KIRREL3: variants seen among roughly 807,000 people sequenced by gnomAD.
The protein encoded by KIRREL3 is kin of IRRE-like protein 3.
KIRREL3 carries 36 observed loss-of-function variants against 89.7 expected under a neutral mutation model. That is an observed-to-expected ratio of 0.40 (90% confidence interval 0.31 to 0.53). The LOEUF is 0.53. Among genes scored for constraint, KIRREL3 ranks in the 20% least tolerant of loss-of-function variants. The pLI is 0.49. For missense variants in KIRREL3, 864 were observed against 1,056.6 expected (o/e 0.82, Z 2.53); for synonymous variants, 445 against 441.4 (o/e 1.01, Z -0.10).
intron 6 of KIRREL3, among the ~76,000 whole-genome samples, chr11:126,460,657 C>A (rs1203415593): frequency 6.6e-6 from 1 of 152,224 alleles, no homozygotes; most frequent in Non-Finnish European, 1.5e-5. Context: ...AGAGGCCTGG[C>A]AAGACCCAGT....
At chr11:126,473,284 C>A in intron 5 of KIRREL3, 25 bp downstream of exon 5, 1 of 1,197,762 alleles carries the variant, frequency 8.3e-7, no homozygotes, top group Non-Finnish European at 1.1e-6. Context: ...CCGTCCACAC[C>A]CACCCCCTCC....
Position 126,428,732 on chromosome 11 carries a change from C to T in KIRREL3, c.1806+447G>A, listed in dbSNP as rs1002504425. Among the ~76,000 whole-genome samples, 1 of 152,068 alleles carries T rather than the reference C, an allele frequency of 6.6e-6. No individual in the cohort carries two copies. The highest frequency in any genetic ancestry group is 1.5e-5 in the Non-Finnish European group (1 of 67,998). On this transcript the variant is annotated intron_variant, in intron 15 of 16. Coordinates refer to ENST00000525144, the MANE Select transcript of KIRREL3 (RefSeq NM_032531.4). The surrounding 1 kb of genome is among the most constrained non-coding windows in gnomAD (Gnocchi z 6.4). ...CCTGATCTCAGCTCACTGCAACCTC[C>T]ACCTCCTGGGTTCAAGCAATTCTCC...
In KIRREL3 at chr11:126,776,938, G is replaced by T. The variant is rs896007515; in HGVS notation, c.56-214026C>A. On this transcript the variant is annotated intron_variant, in intron 1 of 16. Transcript: ENST00000525144. The surrounding 1 kb of genome is among the most constrained non-coding windows in gnomAD (Gnocchi z 4.7). ...CCAAAAGTCTTGAAAGTTTGGATTTGCAATCACAGATGCCCCATGTGGCTT... is the reference window on the plus strand; with the variant it reads ...CCAAAAGTCTTGAAAGTTTGGATTTTCAATCACAGATGCCCCATGTGGCTT... Among the ~76,000 whole-genome samples the T allele has an allele frequency of 2.0e-5, 3 of 152,188 alleles. No individual in the cohort carries two copies. The highest frequency in any genetic ancestry group is 4.4e-5 in the Non-Finnish European group (3 of 68,036).
rs1185978814 is a variant in KIRREL3 at position 126,740,400 on chromosome 11, A to G, written c.56-177488T>C. On this transcript the variant is annotated intron_variant, in intron 1 of 16. Transcript: ENST00000525144. This position sits in a 1 kb window ranked among gnomAD's most constrained non-coding sequence, Gnocchi z 6.0. ...TTCATTCTGTGTTTGGTGCTGCAGT[A>G]GTGGTCTGGAATTGTCTGCAGAAAA... 1.6e-3 allele frequency among the ~76,000 whole-genome samples: 4 copies of G among 2,496 alleles called. No individual in the cohort carries two copies. The highest frequency in any genetic ancestry group is 7.8e-3 in the African/African-American group (4 of 514). The allele number at this position is 2,496 out of a possible 152,430, so 1.6% of individuals were successfully genotyped here.
chr11:126,604,974 A>G (rs1942827433), intron 1 of KIRREL3, among the ~76,000 whole-genome samples: 1 of 152,230 alleles, frequency 6.6e-6, no homozygotes, highest in African/African-American at 2.4e-5. Flanking sequence ...GAAACGGCAT[A>G]TGTAAAAGTG....
rs146411843 is a variant in KIRREL3, at chr11:126,759,589, G to A, written c.56-196677C>T. On this transcript the variant is annotated intron_variant, in intron 1 of 16. Coordinates refer to ENST00000525144, the MANE Select transcript of KIRREL3 (RefSeq NM_032531.4). ...AGATCATTAGACAACACGTAGCATC[G>A]TGCTGGCCAGGAAGATGGCCTGCTT... Among the ~76,000 whole-genome samples the A allele has an allele frequency of 5.4e-3, 826 of 152,270 alleles. 3 individuals carry two copies. Among genetic ancestry groups the A allele is most frequent in the Non-Finnish European group, 8.8e-3 (597 of 68,024 alleles).
intron 1 of KIRREL3, among the ~76,000 whole-genome samples, chr11:126,865,685 G>C (rs551037297): frequency 2.0e-5 from 3 of 152,208 alleles, no homozygotes; most frequent in Non-Finnish European, 4.4e-5. Context: ...CTGAGGGATC[G>C]ACGAAGTCTC....
chr11:126,681,015 C>T (rs569831900), intron 1 of KIRREL3, among the ~76,000 whole-genome samples: 12 of 152,204 alleles, frequency 7.9e-5, no homozygotes, highest in East Asian at 1.9e-4. Context: ...TAAATGAAAC[C>T]GGCTAAGGCA....
rs1949376786 is a variant in KIRREL3, at chr11:126,752,781, T to C, written c.56-189869A>G. On this transcript the variant is annotated intron_variant, in intron 1 of 16. Coordinates refer to ENST00000525144, the MANE Select transcript of KIRREL3 (RefSeq NM_032531.4). This position sits in a 1 kb window ranked among gnomAD's most constrained non-coding sequence, Gnocchi z 4.8. ...GAAGAGCATGGAAAAAAACAATTGG[T>C]TTTGCATGTTTCCTTGGGAATTTCA... 6.6e-6 allele frequency among the ~76,000 whole-genome samples: 1 copy of C among 152,072 alleles called. No homozygotes were observed. Among genetic ancestry groups the C allele is most frequent in the Non-Finnish European group, 1.5e-5 (1 of 68,026 alleles).
chr11:126,709,274 T>C lies in KIRREL3; in HGVS notation c.56-146362A>G, dbSNP rs997716119. ...CCCAAAATATGGCTGCCTTGACTAG[T>C]TGGCTTTATCATCTCCTCTATCCCA... is the stretch of plus-strand genomic sequence containing the variant. On this transcript the variant is annotated intron_variant, in intron 1 of 16. Transcript: ENST00000525144. This position sits in a 1 kb window ranked among gnomAD's most constrained non-coding sequence, Gnocchi z 4.0. Among the ~76,000 whole-genome samples, 14 of 152,192 alleles carry C rather than the reference T, an allele frequency of 9.2e-5. No homozygotes were observed. The highest frequency in any genetic ancestry group is 3.1e-4 in the African/African-American group (13 of 41,452).
chr11:126,850,437 G>A (rs549223752), intron 1 of KIRREL3, among the ~76,000 whole-genome samples: 44 of 152,252 alleles, frequency 2.9e-4, no homozygotes, highest in Non-Finnish European at 5.1e-4. Context: ...GGCAGCTCTA[G>A]GCCTTGAGTT....
At chr11:126,479,223 G>A (rs1335038428) in intron 4 of KIRREL3, among the ~76,000 whole-genome samples, 1 of 152,106 alleles carries the variant, frequency 6.6e-6, no homozygotes, top group Non-Finnish European at 1.5e-5. Context: ...AAGCCTCGGG[G>A]TGCATCTCCC....
upstream of KIRREL3, chr11:127,000,909 T>C (rs913115540): frequency 9.7e-5 from 37 of 382,476 alleles, no homozygotes; most frequent in Admixed American, 5.3e-4. The surrounding 1 kb of genome is among the most constrained non-coding windows in gnomAD (Gnocchi z 7.1). Flanking sequence ...AGGTCATAAT[T>C]AAAGAGGAAA....
In KIRREL3 at chr11:126,931,869, A is replaced by G. The variant is rs776027473; in HGVS notation, c.55+68586T>C. On this transcript the variant is annotated intron_variant, in intron 1 of 16. Transcript: ENST00000525144. The surrounding 1 kb of genome is among the most constrained non-coding windows in gnomAD (Gnocchi z 5.1). ...GGACACGTGTTGCCTTCTCACCCCA[A>G]TAGGAGTAGATGGACGAGGCATACT... is the stretch of plus-strand genomic sequence containing the variant. 1.3e-5 allele frequency among the ~76,000 whole-genome samples: 2 copies of G among 152,270 alleles called. No homozygotes were observed. The highest frequency in any genetic ancestry group is 6.5e-5 in the Admixed American group (1 of 15,296).
Position 126,905,283 on chromosome 11 carries a change from G to A in KIRREL3, c.55+95172C>T, listed in dbSNP as rs1441762731. On this transcript the variant is annotated intron_variant, in intron 1 of 16. Transcript: ENST00000525144. The surrounding 1 kb of genome is among the most constrained non-coding windows in gnomAD (Gnocchi z 5.0). Reference sequence around the variant, plus strand: ...TTAGTGAAGGAGATGCTTCCGGGGGGAGCTGCAAGCTGAGGGGCTGCACCA... The same window carrying A: ...TTAGTGAAGGAGATGCTTCCGGGGGAAGCTGCAAGCTGAGGGGCTGCACCA... Among the ~76,000 whole-genome samples, 2 of 152,062 alleles carry A rather than the reference G, an allele frequency of 1.3e-5. No homozygotes were observed. Among genetic ancestry groups the A allele is most frequent in the African/African-American group, 4.8e-5 (2 of 41,382 alleles).
Position 126,694,148 on chromosome 11 carries a change from T to G in KIRREL3, c.56-131236A>C, listed in dbSNP as rs1194491584. 6.6e-6 allele frequency among the ~76,000 whole-genome samples: 1 copy of G among 152,240 alleles called. No homozygotes were observed. Among genetic ancestry groups the G allele is most frequent in the Non-Finnish European group, 1.5e-5 (1 of 68,044 alleles). Reference sequence around the variant, plus strand: ...TCCCTAAGGGAGCCACATTCGTTTTTTTTCCTTTCAAAGTCGTCAGGCAGT... The same window carrying G: ...TCCCTAAGGGAGCCACATTCGTTTTGTTTCCTTTCAAAGTCGTCAGGCAGT... On this transcript the variant is annotated intron_variant, in intron 1 of 16. Coordinates refer to ENST00000525144, the MANE Select transcript of KIRREL3 (RefSeq NM_032531.4). This position sits in a 1 kb window ranked among gnomAD's most constrained non-coding sequence, Gnocchi z 4.4.
intron 4 of KIRREL3, among the ~76,000 whole-genome samples, chr11:126,517,137 AG>A (rs1448015374): frequency 6.2e-4 from 8 of 12,964 alleles, no homozygotes; most frequent in African/African-American, 4.2e-3. Flanking sequence ...AGAGAGAGAA[AG>A]AGAGAGAGAG....
intron 1 of KIRREL3, among the ~76,000 whole-genome samples, chr11:126,968,403 G>A (rs538858913): frequency 3.7e-4 from 57 of 152,324 alleles, no homozygotes; most frequent in Non-Finnish European, 6.8e-4. Flanking sequence ...TATCAGGACG[G>A]AGAAGAGCAA....
chr11:126,978,387 C>T lies in KIRREL3; in HGVS notation c.55+22068G>A, dbSNP rs1666178082. ...TATGTGTGGAACCTCTGGAATGAAC[C>T]TGCATTCTTTTCTTTGTTAACCCAA... is the stretch of plus-strand genomic sequence containing the variant. On this transcript the variant is annotated intron_variant, in intron 1 of 16. Transcript: ENST00000525144. This position sits in a 1 kb window ranked among gnomAD's most constrained non-coding sequence, Gnocchi z 4.2. 6.6e-6 allele frequency among the ~76,000 whole-genome samples: 1 copy of T among 152,148 alleles called. No individual in the cohort carries two copies. The highest frequency in any genetic ancestry group is 2.4e-5 in the African/African-American group (1 of 41,430).
Sources: gnomAD v4.1 joint callset for allele counts (sites outside exome capture counted in the v4.1 genomes callset) on GRCh38, gnomAD v4.1.1 for gene constraint, Gnocchi (gnomAD v3.1) non-coding constraint, MANE v1.5 for transcripts, NCBI Gene and HGNC (gene_info 2026-07-23, HGNC 2026-07-21) for gene names.